The following RAPGEF1 variants were observed in gnomAD, a reference collection of about 807,000 sequenced individuals.
The protein encoded by RAPGEF1 is CRK SH3-binding GNRP.
RAPGEF1 carries 33 observed loss-of-function variants against 143.3 expected under a neutral mutation model. That is an observed-to-expected ratio of 0.23 (90% confidence interval 0.17 to 0.31). The LOEUF (loss-of-function observed/expected upper bound fraction) is 0.31, where lower values mean the gene tolerates loss of function less well. RAPGEF1 is among the 10% of genes least tolerant of loss of function. RAPGEF1 has a pLI of 1.00. For synonymous variants in RAPGEF1, 629 were observed against 676.5 expected, an observed-to-expected ratio of 0.93 and a Z score of 1.09; for missense variants, 1,199 against 1,645.4, an observed-to-expected ratio of 0.73 and a Z score of 4.69.
chr9:131,598,649 G>A, intron 15 of RAPGEF1: 1 of 450,472 alleles, frequency 2.2e-6, no homozygotes, highest in East Asian at 6.4e-5. Context: ...GGAGCTAAGG[G>A]GCAAGCAGAA....
chr9:131,598,827 C>T (rs369497182), intron 15 of RAPGEF1, among the ~76,000 whole-genome samples: 2 of 138,956 alleles, frequency 1.4e-5, no homozygotes, highest in Non-Finnish European at 3.1e-5. Context: ...TATTTATTTG[C>T]TTTTTTTTTT....
intron 1 of RAPGEF1, among the ~76,000 whole-genome samples, chr9:131,715,016 T>C (rs941994869): frequency 6.6e-6 from 1 of 151,844 alleles, no homozygotes; most frequent in Non-Finnish European, 1.5e-5. Flanking sequence ...TGGCCGAGAC[T>C]GCTTTGAAGT....
At chr9:131,649,996 A>C in intron 3 of RAPGEF1, 133 bp downstream of exon 3, 4 of 672,700 alleles carry the variant, frequency 5.9e-6, no homozygotes, top group Non-Finnish European at 9.9e-6. Context: ...TTTCCTGAAC[A>C]ATTCAGCCCA....
chr9:131,643,157 T>C lies in RAPGEF1; in HGVS notation c.494+82A>G, dbSNP rs560402484. On this transcript the variant is annotated intron_variant, in intron 4 of 26. Coordinates refer to ENST00000683357, the MANE Select transcript of RAPGEF1 (RefSeq NM_001377935.1). ...CTTTTCCTGACTGTTCCTAGGAACC[T>C]TGAGTTTCCAGTGCCACCAAACCAA... 8.2e-6 allele frequency: 12 copies of C among 1,454,940 alleles called. No homozygotes were observed. In the East Asian group the frequency reaches 1.9e-4, roughly 24 times the overall value. 90.1% of individuals were successfully genotyped at this position (1,454,940 alleles called of 1,614,324 possible).
chr9:131,633,843 A>G lies in RAPGEF1; in HGVS notation c.652-3519T>C, dbSNP rs1019760100. ...TGTGCACATATCTGGCTACTGTGCTAACACCCTAATCTCATTGAAAGTTGA... is the reference window on the plus strand; with the variant it reads ...TGTGCACATATCTGGCTACTGTGCTGACACCCTAATCTCATTGAAAGTTGA... On this transcript the variant is annotated intron_variant, in intron 5 of 26. Transcript: ENST00000683357. Among the ~76,000 whole-genome samples, 12 of 152,366 alleles carry G rather than the reference A, an allele frequency of 7.9e-5. 1 individual carries two copies. Among genetic ancestry groups the G allele is most frequent in the African/African-American group, 2.4e-4 (10 of 41,586 alleles).
chr9:131,592,233 G>T, intron 17 of RAPGEF1, 50 bp from the exon 18 acceptor site: 1 of 1,459,270 alleles, frequency 6.9e-7, no homozygotes, highest in Admixed American at 1.7e-5. Flanking sequence ...AGAGTGCTGG[G>T]GGGTGGTAGC....
At chr9:131,679,703 C>T (rs371385890) in intron 1 of RAPGEF1, among the ~76,000 whole-genome samples, 21 of 152,294 alleles carry the variant, frequency 1.4e-4, no homozygotes, top group African/African-American at 2.6e-4. Context: ...GCGGGGACTC[C>T]GCCAGGGAAG....
chr9:131,722,346 T>C (rs1034317293), intron 1 of RAPGEF1, among the ~76,000 whole-genome samples: 1 of 152,184 alleles, frequency 6.6e-6, no homozygotes, highest in African/African-American at 2.4e-5. Context: ...TGATACCTTC[T>C]CAAGAACGTG....
intron 1 of RAPGEF1, among the ~76,000 whole-genome samples, chr9:131,681,198 T>C (rs551847424): frequency 3.5e-4 from 53 of 152,228 alleles, no homozygotes; most frequent in African/African-American, 1.2e-3. Flanking sequence ...TCCCTACCCC[T>C]CTGCACCCCC....
chr9:131,692,330 G>C (rs571575373), intron 1 of RAPGEF1, among the ~76,000 whole-genome samples: 6 of 152,350 alleles, frequency 3.9e-5, no homozygotes, highest in African/African-American at 1.4e-4. Context: ...CCTGTTATTA[G>C]ATTGTAGCCC....
chr9:131,651,326 C>T (rs1020443140), intron 1 of RAPGEF1, among the ~76,000 whole-genome samples: 6 of 152,188 alleles, frequency 3.9e-5, no homozygotes, highest in East Asian at 3.9e-4. Context: ...AAGGCCCTTT[C>T]GCATCAACCT....
Position 131,626,020 on chromosome 9 carries a change from G to A in RAPGEF1, c.1604C>T (p.Ser535Phe). Residue 535 changes from serine to phenylalanine, a missense_variant, in exon 10 of 27, where the codon TCC becomes TTC. Ser to Phe is a radical substitution (Grantham distance 155). Transcript: ENST00000683357. The stretch of plus-strand genomic sequence containing the variant: ...ACCCACAAATTCGACAGGGGCTGAG[G>A]AACCTCCATGCTGAAAGGGCAGAAT... ...AAILPFQHGGSSAPVEFVGDF... is the reference protein window; with the variant it reads ...AAILPFQHGGFSAPVEFVGDF... 1.2e-5 allele frequency: 20 copies of A among 1,611,580 alleles called. No individual in the cohort carries two copies. Among genetic ancestry groups the A allele is most frequent in the Non-Finnish European group, 1.7e-5 (20 of 1,177,798 alleles).
At chr9:131,582,197 G>T (rs1410015328) in intron 25 of RAPGEF1, among the ~76,000 whole-genome samples, 5 of 152,062 alleles carry the variant, frequency 3.3e-5, no homozygotes, top group Non-Finnish European at 5.9e-5. Context: ...TCCTCAGGTT[G>T]TTCTAATGCG....
chr9:131,580,434 G>C (rs755139488), intron 25 of RAPGEF1, 43 bp from the exon 26 acceptor site: 2 of 1,599,488 alleles, frequency 1.3e-6, no homozygotes, highest in Admixed American at 3.4e-5. Flanking sequence ...TACGGGGTTT[G>C]GAAGCAGCAA....
chr9:131,707,736 G>A (rs1050704968), intron 1 of RAPGEF1, among the ~76,000 whole-genome samples: 1 of 152,176 alleles, frequency 6.6e-6, no homozygotes, highest in African/African-American at 2.4e-5. Context: ...TTTAATTGGA[G>A]AAAAGGCATA....
At chr9:131,687,023 C>T in intron 1 of RAPGEF1, among the ~76,000 whole-genome samples, 1 of 152,116 alleles carries the variant, frequency 6.6e-6, no homozygotes, top group East Asian at 1.9e-4. Context: ...CCAATAGGAT[C>T]CGTTATGTTA....
chr9:131,630,207 C>T (rs1282867604), intron 6 of RAPGEF1, 29 bp downstream of exon 6: 13 of 1,607,696 alleles, frequency 8.1e-6, no homozygotes, highest in African/African-American at 1.3e-5. Context: ...AGCGTGACAC[C>T]CGCGACACGA....
intron 1 of RAPGEF1, among the ~76,000 whole-genome samples, chr9:131,728,185 A>T (rs1021346776): frequency 1.3e-5 from 2 of 152,218 alleles, no homozygotes; most frequent in African/African-American, 4.8e-5. Context: ...GTGAAAGTTA[A>T]TCAAGAAAGA....
intron 1 of RAPGEF1, among the ~76,000 whole-genome samples, chr9:131,656,978 G>A (rs185251276): frequency 2.8e-4 from 43 of 152,356 alleles, no homozygotes; most frequent in Non-Finnish European, 5.7e-4. Context: ...AGAGAGAAGA[G>A]ATTCTTTCAA....
Sources: gnomAD v4.1 joint callset for allele counts (sites outside exome capture counted in the v4.1 genomes callset) on GRCh38, gnomAD v4.1.1 for gene constraint, MANE v1.5 for transcripts, NCBI Gene and HGNC (gene_info 2026-07-23, HGNC 2026-07-21) for gene names.